The following MDGA2 variants were observed in gnomAD, a reference collection of about 807,000 sequenced individuals.
The protein encoded by MDGA2 is MAM domain containing glycosylphosphatidylinositol anchor 2, also known as MAM domain-containing glycosylphosphatidylinositol anchor protein 2.
In MDGA2, 40 loss-of-function variants were observed where a neutral mutation model predicts 117.8. That is an observed-to-expected ratio of 0.34 (90% confidence interval 0.26 to 0.44). MDGA2 has a LOEUF of 0.44. Ranked by LOEUF, MDGA2 falls within the 20% of genes least tolerant of loss-of-function variation. The pLI, the probability that MDGA2 is intolerant of heterozygous loss-of-function variation, is 1.00. For synonymous variants in MDGA2, 452 were observed against 439.0 expected (o/e 1.03, Z -0.37); for missense variants, 1,123 against 1,250.6 (o/e 0.90, Z 1.54).
At chr14:47,254,869 G>C (rs1243070763) in intron 2 of MDGA2, among the ~76,000 whole-genome samples, 1 of 152,208 alleles carries the variant, frequency 6.6e-6, no homozygotes, top group Non-Finnish European at 1.5e-5. Flanking sequence ...CATGATGGAA[G>C]AGGAAGCAAA....
At chr14:47,587,145 G>A (rs925856728) in intron 1 of MDGA2, among the ~76,000 whole-genome samples, 1 of 151,834 alleles carries the variant, frequency 6.6e-6, no homozygotes, top group South Asian at 2.1e-4. Flanking sequence ...AACAAAATAC[G>A]CTGGGGCCTA....
intron 1 of MDGA2, among the ~76,000 whole-genome samples, chr14:47,653,695 T>A (rs982589661): frequency 6.6e-6 from 1 of 152,114 alleles, no homozygotes; most frequent in African/African-American, 2.4e-5. Flanking sequence ...AGAGAGGACA[T>A]CCTGAATTAT....
At chr14:47,334,082 G>A (rs905843237) in intron 1 of MDGA2, among the ~76,000 whole-genome samples, 1 of 151,582 alleles carries the variant, frequency 6.6e-6, no homozygotes, top group Non-Finnish European at 1.5e-5. Flanking sequence ...CACTCAAAAG[G>A]TGATATATAG....
In MDGA2 at chr14:46,854,902, T is replaced by C. The variant is rs1881206462; in HGVS notation, c.2883+122A>G. ...AGAACTAAAGCAAAACCTAATCATA[T>C]AATTTTTGTGATGCTTATATCGTGG... On this transcript the variant is annotated intron_variant, in intron 15 of 16. Transcript: ENST00000399232. The C allele has an allele frequency of 4.7e-6, 4 of 850,386 alleles. No individual in the cohort carries two copies. The South Asian group carries it at 1.1e-4, about 24-fold the overall frequency. The allele number at this position is 850,386 out of a possible 1,614,324, so 52.7% of individuals were successfully genotyped here. A position where few individuals can be genotyped will look rare whatever the true frequency, so the allele number is the denominator to read the frequency against.
chr14:47,521,574 T>G (rs533758431), intron 1 of MDGA2, among the ~76,000 whole-genome samples: 1 of 152,354 alleles, frequency 6.6e-6, no homozygotes, highest in African/African-American at 2.4e-5. Context: ...GAGCTCAATA[T>G]GAGATGGGAT....
intron 1 of MDGA2, among the ~76,000 whole-genome samples, chr14:47,497,133 C>A (rs1894298143): frequency 1.3e-5 from 2 of 152,062 alleles, no homozygotes; most frequent in Non-Finnish European, 2.9e-5. Context: ...GGGTTGGAGA[C>A]CCCTGAAAAA....
chr14:47,613,479 T>TCACACACACACACA lies in MDGA2; in HGVS notation c.280+61024_280+61037dup, dbSNP rs1555336468. ...ATTTATCTCTCTCTCTCTCTCTCTC[T>TCACACACACACACA]CACACACACACACACACACACACAC... On this transcript the variant is annotated intron_variant, in intron 1 of 16. Coordinates refer to ENST00000399232, the MANE Select transcript of MDGA2 (RefSeq NM_001113498.3). Among the ~76,000 whole-genome samples, 525 of 141,154 alleles carry TCACACACACACACA rather than the reference T, an allele frequency of 3.7e-3. 6 individuals are homozygous for TCACACACACACACA. The highest frequency in any genetic ancestry group is 0.014 in the African/African-American group (501 of 36,798). 92.6% of individuals were successfully genotyped at this position (141,154 alleles called of 152,430 possible).
rs184810681 is a variant in MDGA2, at chr14:47,381,390, G to A, written c.281-79840C>T. ...ATCAGACAGGAGAAAGAAATAAAGG[G>A]TATTCAATTAGGAAAAGAGGAAGTC... On this transcript the variant is annotated intron_variant, in intron 1 of 16. Transcript: ENST00000399232. Among the ~76,000 whole-genome samples, 55 of 152,246 alleles carry A rather than the reference G, an allele frequency of 3.6e-4. No individual in the cohort carries two copies. In the South Asian group the frequency reaches 6.4e-3, roughly 18 times the overall value.
chr14:47,226,060 C>T (rs924838802), intron 2 of MDGA2, among the ~76,000 whole-genome samples: 1 of 151,674 alleles, frequency 6.6e-6, no homozygotes, highest in African/African-American at 2.4e-5. Context: ...GAGGCCGAGG[C>T]AGAAGGATGG....
chr14:47,312,827 G>A lies in MDGA2; in HGVS notation c.281-11277C>T, dbSNP rs184458699. 1.1e-3 allele frequency among the ~76,000 whole-genome samples: 159 copies of A among 148,860 alleles called. 1 individual carries two copies. In the East Asian group the frequency reaches 0.026, roughly 24 times the overall value. Reference sequence around the variant, plus strand: ...TTTCAGGCATGAGCCACCATGCCTGGCCTATCACAGAACCTTAGAATCTTA... The same window carrying A: ...TTTCAGGCATGAGCCACCATGCCTGACCTATCACAGAACCTTAGAATCTTA... On this transcript the variant is annotated intron_variant, in intron 1 of 16. Transcript: ENST00000399232.
chr14:47,569,785 C>A (rs901122672), intron 1 of MDGA2, among the ~76,000 whole-genome samples: 1 of 152,228 alleles, frequency 6.6e-6, no homozygotes, highest in African/African-American at 2.4e-5. Flanking sequence ...ATTTCAGGTA[C>A]AGATTATTCA....
intron 9 of MDGA2, among the ~76,000 whole-genome samples, chr14:46,927,525 G>A (rs1884378084): frequency 6.6e-6 from 1 of 152,106 alleles, no homozygotes; most frequent in African/African-American, 2.4e-5. Context: ...GTTCAACAGT[G>A]ATAACTTGTC....
chr14:47,174,446 G>A (rs1351037234), intron 3 of MDGA2, among the ~76,000 whole-genome samples: 2 of 152,040 alleles, frequency 1.3e-5, no homozygotes, highest in Admixed American at 6.6e-5. Context: ...ATAACAAACT[G>A]TCTCTCAGAC....
Position 47,311,662 on chromosome 14 carries a change from A to T in MDGA2, c.281-10112T>A, listed in dbSNP as rs200022952. On this transcript the variant is annotated intron_variant, in intron 1 of 16. Transcript: ENST00000399232. The stretch of plus-strand genomic sequence containing the variant: ...CCCTCATGGACTGTAAACTTAGTAA[A>T]TATCAAGCACCTGTGTAATTCATGT... Among the ~76,000 whole-genome samples the T allele has an allele frequency of 7.2e-5, 11 of 152,182 alleles. No homozygotes were observed. In the East Asian group the frequency reaches 2.1e-3, roughly 30 times the overall value.
In MDGA2 at chr14:47,595,529, T is replaced by C. The variant is rs190205488; in HGVS notation, c.280+78988A>G. Among the ~76,000 whole-genome samples, 920 of 128,190 alleles carry C rather than the reference T, an allele frequency of 7.2e-3. 15 individuals are homozygous for C. The highest frequency in any genetic ancestry group is 0.026 in the African/African-American group (867 of 33,576). 84.1% of individuals were successfully genotyped at this position (128,190 alleles called of 152,430 possible). On this transcript the variant is annotated intron_variant, in intron 1 of 16. Transcript: ENST00000399232. ...AGCCTAGGTGACGAGTGAAACTCCT[T>C]CTAAAAAAACCAAAAAACAAAAAAA... is the stretch of plus-strand genomic sequence containing the variant.
intron 1 of MDGA2, among the ~76,000 whole-genome samples, chr14:47,649,040 A>G (rs1594962320): frequency 6.6e-6 from 1 of 152,312 alleles, no homozygotes; most frequent in South Asian, 2.1e-4. Flanking sequence ...ATTATTTAGT[A>G]ATATCAATAC....
At chr14:47,264,635 A>C (rs966909962) in intron 2 of MDGA2, among the ~76,000 whole-genome samples, 3 of 152,048 alleles carry the variant, frequency 2.0e-5, no homozygotes, top group African/African-American at 7.2e-5. Flanking sequence ...AGTTTTAAAA[A>C]ATATTTGTGA....
intron 4 of MDGA2, among the ~76,000 whole-genome samples, chr14:47,137,694 A>T (rs1352780176): frequency 6.6e-6 from 1 of 152,098 alleles, no homozygotes; most frequent in Non-Finnish European, 1.5e-5. Flanking sequence ...ACCTAATCTC[A>T]GGTGTTCCTA....
chr14:47,298,089 T>A (rs1594780800), intron 2 of MDGA2, among the ~76,000 whole-genome samples: 1 of 152,256 alleles, frequency 6.6e-6, no homozygotes, highest in East Asian at 1.9e-4. Context: ...AAGGATTCTA[T>A]GATATAAGAT....
Sources: allele counts gnomAD v4.1 joint callset (sites outside exome capture counted in the v4.1 genomes callset), GRCh38; gene constraint gnomAD v4.1.1; transcripts MANE v1.5; gene names NCBI Gene and HGNC (gene_info 2026-07-23, HGNC 2026-07-21).